LIMA1: variants seen among roughly 807,000 people sequenced by gnomAD.
LIMA1 encodes LIM domain and actin binding 1, also known as LIM domain and actin-binding protein 1.
In LIMA1, 52 loss-of-function variants were observed where a neutral mutation model predicts 62.6. That is an observed-to-expected ratio of 0.83 (90% CI 0.67 to 1.05). LIMA1 has a LOEUF of 1.05. Ranked by LOEUF, LIMA1 falls within the 50% of genes least tolerant of loss-of-function variation. The pLI is 0.00. For synonymous variants in LIMA1, 302 were observed against 317.8 expected, an observed-to-expected ratio of 0.95 and a Z score of 0.53; for missense variants, 780 against 902.2, an observed-to-expected ratio of 0.86 and a Z score of 1.74.
At chr12:50,279,054 G>A (rs1436014011) in intron 1 of LIMA1, among the ~76,000 whole-genome samples, 2 of 148,954 alleles carry the variant, frequency 1.3e-5, no homozygotes, top group East Asian at 2.0e-4. Context: ...CACCCAGGCT[G>A]GAGTGCAGTG....
intron 4 of LIMA1, among the ~76,000 whole-genome samples, chr12:50,209,567 C>CAAAAAAAAAAAAAAAA (rs1203309856): frequency 3.2e-5 from 2 of 61,696 alleles, no homozygotes; most frequent in African/African-American, 5.6e-5. Context: ...GACTCCATCT[C>CAAAAAAAAAAAAAAAA]AAAAAAAAAA....
intron 2 of LIMA1, among the ~76,000 whole-genome samples, chr12:50,245,683 C>A (rs1941837974): frequency 6.6e-6 from 1 of 151,150 alleles, no homozygotes; most frequent in Non-Finnish European, 1.5e-5. Context: ...TCTGCCTTAC[C>A]CCAAATGCTA....
chr12:50,282,969 G>A (rs1267987877), intron 1 of LIMA1, among the ~76,000 whole-genome samples: 1 of 152,184 alleles, frequency 6.6e-6, no homozygotes, highest in Non-Finnish European at 1.5e-5. Context: ...AAGGGTGTAA[G>A]TGTCTTAAAC....
chr12:50,200,673 T>G, intron 7 of LIMA1, 104 bp downstream of exon 7: 1 of 1,296,352 alleles, frequency 7.7e-7, no homozygotes, highest in Non-Finnish European at 1.1e-6. Context: ...GTTACCAAAT[T>G]CCCAGACACT....
chr12:50,215,738 G>T (rs892094494), intron 4 of LIMA1, among the ~76,000 whole-genome samples: 2 of 152,022 alleles, frequency 1.3e-5, no homozygotes, highest in African/African-American at 4.8e-5. Flanking sequence ...CTCCCAAAGT[G>T]CTGGGATTAC....
At chr12:50,231,785 G>T in intron 2 of LIMA1, 75 bp from the exon 3 acceptor site, 1 of 1,429,558 alleles carries the variant, frequency 7.0e-7, no homozygotes, top group South Asian at 1.2e-5. Context: ...ATCTTTTTTT[G>T]AGATGAAGTC....
intron 8 of LIMA1, among the ~76,000 whole-genome samples, chr12:50,193,413 G>A (rs1940823893): frequency 1.3e-5 from 2 of 149,066 alleles, no homozygotes; most frequent in Non-Finnish European, 1.5e-5. Flanking sequence ...CTAGCCTGGG[G>A]AGATGCTAGA....
At chr12:50,217,396 A>G (rs1941361616) in intron 4 of LIMA1, among the ~76,000 whole-genome samples, 1 of 152,136 alleles carries the variant, frequency 6.6e-6, no homozygotes, top group African/African-American at 2.4e-5. Context: ...TAGAACACCT[A>G]TTGCTAAATA....
At chr12:50,230,799 G>A (rs1309857869) in intron 3 of LIMA1, among the ~76,000 whole-genome samples, 1 of 151,390 alleles carries the variant, frequency 6.6e-6, no homozygotes, top group East Asian at 2.0e-4. Flanking sequence ...GGATGGTCTC[G>A]ATCTCTTGAC....
chr12:50,211,883 T>C (rs1941263763), intron 4 of LIMA1, among the ~76,000 whole-genome samples: 1 of 152,162 alleles, frequency 6.6e-6, no homozygotes, highest in South Asian at 2.1e-4. Flanking sequence ...ACTCAGACAC[T>C]TGAGGGAGCC....
At chr12:50,264,500 T>C (rs974488544) in intron 1 of LIMA1, among the ~76,000 whole-genome samples, 3 of 152,206 alleles carry the variant, frequency 2.0e-5, no homozygotes, top group African/African-American at 7.2e-5. Flanking sequence ...CCTTACCCCA[T>C]GACCCTCTGG....
chr12:50,207,564 T>C (rs11611485), intron 4 of LIMA1, among the ~76,000 whole-genome samples: 66 of 152,214 alleles, frequency 4.3e-4, no homozygotes, highest in Non-Finnish European at 8.2e-4. Context: ...AATCTTTAAG[T>C]TCAATGGACT....
At chr12:50,215,662 A>G (rs528199066) in intron 4 of LIMA1, among the ~76,000 whole-genome samples, 1 of 151,632 alleles carries the variant, frequency 6.6e-6, no homozygotes, top group African/African-American at 2.4e-5. Flanking sequence ...TTTAGTAGAG[A>G]TGGGGTTTCA....
intron 7 of LIMA1, among the ~76,000 whole-genome samples, chr12:50,200,492 T>C (rs1941025561): frequency 6.6e-6 from 1 of 152,222 alleles, no homozygotes; most frequent in Non-Finnish European, 1.5e-5. Flanking sequence ...TGAGCCACTG[T>C]GCCCAGCCTC....
intron 8 of LIMA1, among the ~76,000 whole-genome samples, chr12:50,195,014 C>G (rs1161135301): frequency 6.6e-6 from 1 of 152,048 alleles, no homozygotes; most frequent in Non-Finnish European, 1.5e-5. Context: ...CACCACTGCA[C>G]TCCAACCTGG....
At chr12:50,203,466 T>C (rs1592516130) in intron 6 of LIMA1, among the ~76,000 whole-genome samples, 1 of 150,474 alleles carries the variant, frequency 6.6e-6, no homozygotes, top group East Asian at 2.0e-4. Flanking sequence ...CAGGCTGGAG[T>C]GTAGTGGCGC....
Position 50,221,946 on chromosome 12 carries a change from T to C in LIMA1, c.630+75A>G. On this transcript the variant is annotated intron_variant, in intron 4 of 10. Transcript: ENST00000341247. The stretch of plus-strand genomic sequence containing the variant: ...ACCACATATTCGCCTCTACTCAAAA[T>C]AGCTAGATTGGAAAAACAGCTTTGT... 1.2e-5 allele frequency: 15 copies of C among 1,297,976 alleles called. No homozygotes were observed. The South Asian group carries it at 2.1e-4, about 18-fold the overall frequency. 80.4% of individuals were successfully genotyped at this position (1,297,976 alleles called of 1,614,324 possible). A position where few individuals can be genotyped will look rare whatever the true frequency, so the allele number is the denominator to read the frequency against.
intron 7 of LIMA1, among the ~76,000 whole-genome samples, chr12:50,198,058 A>C (rs1940967920): frequency 6.6e-6 from 1 of 152,200 alleles, no homozygotes. Context: ...ATTCCAACAT[A>C]CATTTGTGAT....
chr12:50,204,634 C>T lies in LIMA1; in HGVS notation c.782G>A (p.Arg261His), dbSNP rs750924872. Reference sequence around the variant, plus strand: ...ATCCTTTATAGAGGTTTCTGAGAGGCGTGGAAGTTCCAGATTTCGTCTACT... The same window carrying T: ...ATCCTTTATAGAGGTTTCTGAGAGGTGTGGAAGTTCCAGATTTCGTCTACT... ...NESRRNLELP[R>H]LSETSIKDRM... is the part of the protein sequence containing the mutation. Residue 261 changes from arginine to histidine, a missense_variant, in exon 6 of 11, where the codon CGC becomes CAC. Transcript: ENST00000341247. 21 of 1,614,048 alleles carry T rather than the reference C, an allele frequency of 1.3e-5. No homozygotes were observed. The highest frequency in any genetic ancestry group is 1.6e-4 in the Middle Eastern group (1 of 6,084).
Sources: gnomAD v4.1 joint callset for allele counts (sites outside exome capture counted in the v4.1 genomes callset) on GRCh38, gnomAD v4.1.1 for gene constraint, MANE v1.5 for transcripts, NCBI Gene and HGNC (gene_info 2026-07-23, HGNC 2026-07-21) for gene names.